Variants in TCERG1L observed in about 807,000 individuals in gnomAD.
TCERG1L encodes the protein transcription elongation regulator 1-like protein.
Under a neutral mutation model 56.3 loss-of-function variants are expected in TCERG1L, and 37 were observed. That is an observed-to-expected ratio of 0.66 (90% confidence interval 0.51 to 0.87). The LOEUF is 0.87. Among genes scored for constraint, TCERG1L ranks in the 40% least tolerant of loss-of-function variants. The pLI is 0.00. For missense variants in TCERG1L, 799 were observed against 774.2 expected, an observed-to-expected ratio of 1.03 and a Z score of -0.38; for synonymous variants, 324 against 326.3, an observed-to-expected ratio of 0.99 and a Z score of 0.08.
At chr10:131,217,910 C>G (rs902280876) in intron 4 of TCERG1L, among the ~76,000 whole-genome samples, 4 of 151,798 alleles carry the variant, frequency 2.6e-5, no homozygotes, top group Non-Finnish European at 5.9e-5. Context: ...ATTTTTAGTA[C>G]AGACGAGGTT....
At chr10:131,171,043 A>G (rs998473816) in intron 4 of TCERG1L, among the ~76,000 whole-genome samples, 3 of 152,026 alleles carry the variant, frequency 2.0e-5, no homozygotes, top group African/African-American at 7.2e-5. Context: ...CTACTCAGGA[A>G]GCTGAAGCAG....
intron 7 of TCERG1L, among the ~76,000 whole-genome samples, chr10:131,136,743 C>A (rs1276957564): frequency 6.6e-6 from 1 of 151,540 alleles, no homozygotes; most frequent in Non-Finnish European, 1.5e-5. Context: ...TGATTCGCCC[C>A]CCTCAGCCTT....
chr10:131,267,409 G>C lies in TCERG1L; in HGVS notation c.671-6965C>G, dbSNP rs188702025. 8.2e-3 allele frequency among the ~76,000 whole-genome samples: 1,252 copies of C among 152,340 alleles called. 25 individuals are homozygous for C. Among genetic ancestry groups the C allele is most frequent in the African/African-American group, 0.028 (1,167 of 41,586 alleles). On this transcript the variant is annotated intron_variant, in intron 3 of 11. Coordinates refer to ENST00000368642, the MANE Select transcript of TCERG1L (RefSeq NM_174937.4). The surrounding 1 kb of genome is among the most constrained non-coding windows in gnomAD (Gnocchi z 4.9). ...AGCCCTGAGAGCATCGGGAGGCCCA[G>C]GCCCACAGCTGCAACCTGGGTGGCT... is the stretch of plus-strand genomic sequence containing the variant.
In TCERG1L at chr10:131,197,437, G is replaced by A. The variant is rs182230860; in HGVS notation, c.857-30552C>T. ...CCTGACCTGGTGATCCTCCTGCCTC[G>A]GCCTCCCAAAGTGCTGGGATTACAG... On this transcript the variant is annotated intron_variant, in intron 4 of 11. Coordinates refer to ENST00000368642, the MANE Select transcript of TCERG1L (RefSeq NM_174937.4). Among the ~76,000 whole-genome samples, 579 of 152,024 alleles carry A rather than the reference G, an allele frequency of 3.8e-3. 4 individuals are homozygous for A. Among genetic ancestry groups the A allele is most frequent in the African/African-American group, 0.013 (530 of 41,472 alleles).
At chr10:131,280,039 C>CAAA (rs1457075775) in intron 3 of TCERG1L, among the ~76,000 whole-genome samples, 2 of 152,172 alleles carry the variant, frequency 1.3e-5, no homozygotes, top group African/African-American at 4.8e-5. Flanking sequence ...TGTATTTTGC[C>CAAA]AAGCTTGAGG....
intron 3 of TCERG1L, among the ~76,000 whole-genome samples, chr10:131,305,641 C>T (rs1319892111): frequency 1.3e-5 from 2 of 152,064 alleles, no homozygotes; most frequent in African/African-American, 4.8e-5. Flanking sequence ...ATTACTACCT[C>T]TCCAAGAAAA....
chr10:131,153,620 G>A (rs996292145), intron 6 of TCERG1L, among the ~76,000 whole-genome samples: 3 of 152,162 alleles, frequency 2.0e-5, no homozygotes, highest in Non-Finnish European at 2.9e-5. Flanking sequence ...CCAGATCCTA[G>A]GCCAGCATTT....
At chr10:131,094,972 C>G (rs1483135923) in intron 11 of TCERG1L, among the ~76,000 whole-genome samples, 1 of 152,234 alleles carries the variant, frequency 6.6e-6, no homozygotes, top group African/African-American at 2.4e-5. Context: ...GGGAGCCTCC[C>G]GCTTCCGTGG....
chr10:131,108,768 C>T (rs548959670), intron 9 of TCERG1L, among the ~76,000 whole-genome samples: 2 of 152,124 alleles, frequency 1.3e-5, no homozygotes, highest in Non-Finnish European at 2.9e-5. Context: ...GCTTTGCTCG[C>T]GTCTGGTGCT....
At chr10:131,202,799 G>A (rs1213445272) in intron 4 of TCERG1L, among the ~76,000 whole-genome samples, 2 of 152,124 alleles carry the variant, frequency 1.3e-5, no homozygotes, top group African/African-American at 2.4e-5. Context: ...AGGGTTGGGA[G>A]GAGCTTGATT....
At chr10:131,281,908 T>G (rs959329749) in intron 3 of TCERG1L, among the ~76,000 whole-genome samples, 2 of 151,804 alleles carry the variant, frequency 1.3e-5, no homozygotes, top group Non-Finnish European at 2.9e-5. Flanking sequence ...AGGCCGAGGC[T>G]GGCGGATCAC....
chr10:131,189,337 C>T (rs545787501), intron 4 of TCERG1L, among the ~76,000 whole-genome samples: 117 of 152,156 alleles, frequency 7.7e-4, no homozygotes, highest in Non-Finnish European at 1.3e-3. Flanking sequence ...CTCCCCACTG[C>T]CTCACCTCCA....
chr10:131,265,204 T>C lies in TCERG1L; in HGVS notation c.671-4760A>G, dbSNP rs139482531. On this transcript the variant is annotated intron_variant, in intron 3 of 11. Transcript: ENST00000368642. Reference sequence around the variant, plus strand: ...GTTTGTATATGGAAGTGAGAAAATGTGTTTACCACCATGTGATTTTGTTGC... The same window carrying C: ...GTTTGTATATGGAAGTGAGAAAATGCGTTTACCACCATGTGATTTTGTTGC... Among the ~76,000 whole-genome samples, 7 of 152,212 alleles carry C rather than the reference T, an allele frequency of 4.6e-5. No individual in the cohort carries two copies. In the East Asian group the frequency reaches 7.7e-4, roughly 17 times the overall value.
intron 3 of TCERG1L, among the ~76,000 whole-genome samples, chr10:131,280,151 G>A (rs1010016611): frequency 6.6e-5 from 10 of 152,204 alleles, no homozygotes; most frequent in Non-Finnish European, 1.5e-5. Context: ...AGCCAAGGTG[G>A]GAAGACTGGA....
At chr10:131,134,901 TGC>T (rs1192292987) in intron 7 of TCERG1L, among the ~76,000 whole-genome samples, 3 of 152,140 alleles carry the variant, frequency 2.0e-5, no homozygotes, top group Admixed American at 6.5e-5. Flanking sequence ...CTCCATCCAC[TGC>T]AACAGATAAC....
intron 8 of TCERG1L, among the ~76,000 whole-genome samples, chr10:131,126,947 A>G (rs1203587174): frequency 6.6e-6 from 1 of 152,198 alleles, no homozygotes. Context: ...AATTTGGGGC[A>G]TAGCTGACGA....
In TCERG1L at chr10:131,133,549, C is replaced by T. The variant is rs7920843; in HGVS notation, c.1259+830G>A. On this transcript the variant is annotated intron_variant, in intron 8 of 11. Transcript: ENST00000368642. ...CCCAGCTCAGGAAGAGCCTGGGAAG[C>T]GTCCCTTATTGATTTGCCTTTCAGG... Among the ~76,000 whole-genome samples the T allele has an allele frequency of 6.3e-3, 957 of 151,912 alleles. 12 individuals carry two copies. Among genetic ancestry groups the T allele is most frequent in the Non-Finnish European group, 0.011 (729 of 67,946 alleles).
At chr10:131,143,742 C>T (rs560859868) in intron 7 of TCERG1L, among the ~76,000 whole-genome samples, 3 of 152,278 alleles carry the variant, frequency 2.0e-5, no homozygotes, top group South Asian at 2.1e-4. Flanking sequence ...CCCCGAGAAC[C>T]GCATGGCACG....
rs1845775498 is a variant in TCERG1L at position 131,224,838 on chromosome 10, C to A, written c.856+35421G>T. On this transcript the variant is annotated intron_variant, in intron 4 of 11. Transcript: ENST00000368642. ...AAAATAACAACCTCTGGCAAGATCT[C>A]ATTTTGATGAAAACACACTTTATAC... is the stretch of plus-strand genomic sequence containing the variant. Among the ~76,000 whole-genome samples, 3 of 151,892 alleles carry A rather than the reference C, an allele frequency of 2.0e-5. No homozygotes were observed. In the South Asian group the frequency reaches 6.2e-4, roughly 32 times the overall value.
Sources: allele counts gnomAD v4.1 joint callset (sites outside exome capture counted in the v4.1 genomes callset), GRCh38; gene constraint gnomAD v4.1.1; non-coding constraint Gnocchi (gnomAD v3.1); transcripts MANE v1.5; gene names NCBI Gene and HGNC (gene_info 2026-07-23, HGNC 2026-07-21).